The following RGS7 variants were observed in gnomAD, a reference collection of about 807,000 sequenced individuals.
The protein encoded by RGS7 is regulator of G-protein signaling 7.
In RGS7, 27 loss-of-function variants were observed where a neutral mutation model predicts 81.1. The observed-to-expected ratio is 0.33, with a 90% CI of 0.25 to 0.46. RGS7 has a LOEUF of 0.46. Ranked by LOEUF, RGS7 falls within the 20% of genes least tolerant of loss-of-function variation. The probability of loss-of-function intolerance (pLI) is 1.00; values close to 1 mark genes in which losing one functional copy is unlikely to be tolerated. For synonymous variants in RGS7, 208 were observed against 207.7 expected (o/e 1.00, Z -0.01); for missense variants, 396 against 607.4 (o/e 0.65, Z 3.66).
At chr1:240,919,047 A>T (rs1449999907) in intron 6 of RGS7, among the ~76,000 whole-genome samples, 1 of 152,162 alleles carries the variant, frequency 6.6e-6, no homozygotes. Context: ...AGAAATAGAT[A>T]ATCTAAATAG....
chr1:241,311,942 C>T (rs368026446), intron 2 of RGS7, among the ~76,000 whole-genome samples: 1 of 152,178 alleles, frequency 6.6e-6, no homozygotes, highest in African/African-American at 2.4e-5. Context: ...AGCTTCTCTC[C>T]TTTTATCAGC....
intron 2 of RGS7, among the ~76,000 whole-genome samples, chr1:241,306,889 G>A (rs2080203862): frequency 6.6e-6 from 1 of 152,132 alleles, no homozygotes; most frequent in Admixed American, 6.5e-5. Flanking sequence ...GCGGTTAACT[G>A]GCAAAACATG....
At chr1:240,905,760 G>A (rs1009977369) in intron 6 of RGS7, among the ~76,000 whole-genome samples, 5 of 152,118 alleles carry the variant, frequency 3.3e-5, no homozygotes, top group African/African-American at 7.2e-5. Flanking sequence ...CTGGAGCTAC[G>A]CTGAAGGGTA....
intron 4 of RGS7, among the ~76,000 whole-genome samples, chr1:240,979,386 A>C (rs575006737): frequency 2.0e-5 from 3 of 152,338 alleles, no homozygotes; most frequent in Admixed American, 6.5e-5. Context: ...TTAGTAAGAA[A>C]AGTGCAAAGT....
chr1:241,182,634 C>T (rs758955331), intron 2 of RGS7, among the ~76,000 whole-genome samples: 2 of 150,596 alleles, frequency 1.3e-5, no homozygotes, highest in Admixed American at 1.3e-4. Flanking sequence ...TTCTTCCTAA[C>T]CCGGCATCTC....
At chr1:241,327,036 A>AAGGAAGGAAGGAAGGGAGGG (rs1416114110) in intron 2 of RGS7, among the ~76,000 whole-genome samples, 1 of 6,216 alleles carries the variant, frequency 1.6e-4, no homozygotes, top group Non-Finnish European at 3.2e-4. Flanking sequence ...GGAAGGAAGG[A>AAGGAAGGAAGGAAGGGAGGG]AGGGAGGGAG....
intron 14 of RGS7, among the ~76,000 whole-genome samples, chr1:240,807,677 GA>G (rs1689103910): frequency 6.6e-6 from 1 of 152,126 alleles, no homozygotes; most frequent in African/African-American, 2.4e-5. Context: ...ATGACTTTTA[GA>G]AAGGAAGGCT....
At chr1:241,247,953 G>C (rs2076630877) in intron 2 of RGS7, among the ~76,000 whole-genome samples, 3 of 152,304 alleles carry the variant, frequency 2.0e-5, no homozygotes, top group South Asian at 4.1e-4. Flanking sequence ...CTGATGGATA[G>C]TGTTTCTTGA....
chr1:241,200,562 C>T (rs1275272494), intron 2 of RGS7, among the ~76,000 whole-genome samples: 1 of 152,152 alleles, frequency 6.6e-6, no homozygotes, highest in African/African-American at 2.4e-5. Flanking sequence ...ACATCCTTTG[C>T]ATCCTAATTT....
chr1:241,016,329 C>T (rs746502680), intron 3 of RGS7, among the ~76,000 whole-genome samples: 2 of 152,040 alleles, frequency 1.3e-5, no homozygotes, highest in East Asian at 3.9e-4. Flanking sequence ...ACCATCCTGG[C>T]CAACATCGTG....
chr1:241,182,216 C>T (rs1192433967), intron 2 of RGS7, among the ~76,000 whole-genome samples: 1 of 152,184 alleles, frequency 6.6e-6, no homozygotes, highest in Non-Finnish European at 1.5e-5. Flanking sequence ...CAGCTACTGT[C>T]CGCTCTACCT....
chr1:241,114,634 A>C (rs947618252), intron 2 of RGS7, among the ~76,000 whole-genome samples: 3 of 152,220 alleles, frequency 2.0e-5, no homozygotes, highest in African/African-American at 7.2e-5. Context: ...TTGAGGTCGA[A>C]TAAAATGCTG....
chr1:240,982,498 T>G (rs975710272), intron 4 of RGS7, among the ~76,000 whole-genome samples: 1 of 151,168 alleles, frequency 6.6e-6, no homozygotes, highest in Non-Finnish European at 1.5e-5. Context: ...CAATGCAAAG[T>G]GTGAACTCAT....
At chr1:241,062,972 T>C (rs947325440) in intron 3 of RGS7, among the ~76,000 whole-genome samples, 7 of 152,062 alleles carry the variant, frequency 4.6e-5, no homozygotes, top group African/African-American at 1.7e-4. Context: ...CAAAGGAGAG[T>C]TGGAAACAGC....
rs138253560 is a variant in RGS7 at position 240,775,862 on chromosome 1, TGAGAGAGA to T, written c.*350_*357del. 1 of 305,736 alleles carries T rather than the reference TGAGAGAGA, an allele frequency of 3.3e-6. No individual in the cohort carries two copies. The highest frequency in any genetic ancestry group is 6.2e-6 in the Non-Finnish European group (1 of 160,144). The allele number at this position is 305,736 out of a possible 1,614,324, so 18.9% of individuals were successfully genotyped here. On this transcript the variant is annotated 3_prime_UTR_variant, in exon 19 of 19. Coordinates refer to ENST00000440928, the MANE Select transcript of RGS7 (RefSeq NM_001364886.1). ...TGAACTGTGTGTCTAACTGAAGCTT[TGAGAGAGA>T]GAGAGAGAGAAAGAAGGAAAAAAAG...
chr1:241,332,647 C>G (rs1033977617), intron 2 of RGS7, among the ~76,000 whole-genome samples: 9 of 152,080 alleles, frequency 5.9e-5, no homozygotes, highest in African/African-American at 1.9e-4. Flanking sequence ...TTAGAGAAAA[C>G]CTAATTAATT....
rs564910406 is a variant in RGS7, at chr1:241,100,103, C to T, written c.79-1341G>A. 2.8e-4 allele frequency among the ~76,000 whole-genome samples: 42 copies of T among 152,098 alleles called. No homozygotes were observed. In the South Asian group the frequency reaches 3.1e-3, roughly 11 times the overall value. ...TTATCAAATTTCCATTGGCCGGGCGCGGTGGCTCACACCTGTAATCCCAGC... is the reference window on the plus strand; with the variant it reads ...TTATCAAATTTCCATTGGCCGGGCGTGGTGGCTCACACCTGTAATCCCAGC... On this transcript the variant is annotated intron_variant, in intron 2 of 18. Transcript: ENST00000440928.
intron 10 of RGS7, among the ~76,000 whole-genome samples, chr1:240,822,602 T>A (rs1692006585): frequency 6.6e-6 from 1 of 152,246 alleles, no homozygotes; most frequent in Non-Finnish European, 1.5e-5. Context: ...GTACAAGCTA[T>A]ACAAGTACAT....
intron 3 of RGS7, among the ~76,000 whole-genome samples, chr1:241,019,518 C>T (rs920621706): frequency 2.6e-5 from 4 of 152,194 alleles, no homozygotes; most frequent in South Asian, 2.1e-4. Flanking sequence ...CTCCCCACCC[C>T]GCAACAGGCC....
Sources: allele counts gnomAD v4.1 joint callset (sites outside exome capture counted in the v4.1 genomes callset), GRCh38; gene constraint gnomAD v4.1.1; transcripts MANE v1.5; gene names NCBI Gene and HGNC (gene_info 2026-07-23, HGNC 2026-07-21).